Variants in ZNF385B observed in about 807,000 individuals in gnomAD.
ZNF385B encodes the protein zinc finger protein 385B.
In ZNF385B, 23 loss-of-function variants were observed where a neutral mutation model predicts 39.2. That is an observed-to-expected ratio of 0.59 (90% confidence interval 0.42 to 0.83). The LOEUF (loss-of-function observed/expected upper bound fraction) is 0.83, where lower values mean the gene tolerates loss of function less well. ZNF385B is among the 40% of genes least tolerant of loss of function. The probability of loss-of-function intolerance (pLI) is 0.00; values close to 1 mark genes in which losing one functional copy is unlikely to be tolerated. For synonymous variants in ZNF385B, 205 were observed against 222.6 expected, an observed-to-expected ratio of 0.92 and a Z score of 0.70; for missense variants, 552 against 598.9, an observed-to-expected ratio of 0.92 and a Z score of 0.82.
chr2:179,698,653 T>C (rs1698946324), intron 3 of ZNF385B, among the ~76,000 whole-genome samples: 1 of 152,208 alleles, frequency 6.6e-6, no homozygotes, highest in Non-Finnish European at 1.5e-5. Flanking sequence ...ACTGGAAATA[T>C]ATAGAGTTGA....
intron 1 of ZNF385B, among the ~76,000 whole-genome samples, chr2:179,775,825 C>T (rs1704280250): frequency 6.6e-6 from 1 of 152,206 alleles, no homozygotes; most frequent in Non-Finnish European, 1.5e-5. Flanking sequence ...AAACTGCTTT[C>T]CACAATCATA....
intron 3 of ZNF385B, among the ~76,000 whole-genome samples, chr2:179,755,056 C>T (rs2106476470): frequency 6.6e-6 from 1 of 152,296 alleles, no homozygotes; most frequent in East Asian, 1.9e-4. Flanking sequence ...CCTGCTTTCT[C>T]TTGTGGGCAT....
chr2:179,709,228 C>A (rs1699828928), intron 3 of ZNF385B, among the ~76,000 whole-genome samples: 1 of 152,228 alleles, frequency 6.6e-6, no homozygotes, highest in African/African-American at 2.4e-5. Context: ...GTTTCTGTTA[C>A]ACTGATGACA....
intron 3 of ZNF385B, among the ~76,000 whole-genome samples, chr2:179,685,329 A>T (rs1013932904): frequency 4.6e-5 from 7 of 152,198 alleles, no homozygotes; most frequent in Non-Finnish European, 1.0e-4. Flanking sequence ...CATTCTCCAG[A>T]CAGATACAAT....
intron 1 of ZNF385B, among the ~76,000 whole-genome samples, chr2:179,801,259 G>A (rs184469412): frequency 1.9e-3 from 284 of 152,210 alleles, no homozygotes; most frequent in Non-Finnish European, 2.7e-3. Flanking sequence ...GCCAAGGAGT[G>A]ATTATATGAA....
At chr2:179,716,381 T>G (rs1700330943) in intron 3 of ZNF385B, among the ~76,000 whole-genome samples, 1 of 152,206 alleles carries the variant, frequency 6.6e-6, no homozygotes, top group African/African-American at 2.4e-5. Flanking sequence ...GTGTAATCCC[T>G]GACCTATTTT....
At chr2:179,621,633 C>G (rs898619605) in intron 3 of ZNF385B, among the ~76,000 whole-genome samples, 1 of 152,180 alleles carries the variant, frequency 6.6e-6, no homozygotes, top group African/African-American at 2.4e-5. Flanking sequence ...TTCCCTTTCT[C>G]CCTACCTTCC....
rs1473677875 is a variant in ZNF385B, at chr2:179,753,163, T to C, written c.298+16340A>G. 3.3e-5 allele frequency among the ~76,000 whole-genome samples: 5 copies of C among 152,342 alleles called. No individual in the cohort carries two copies. In the South Asian group the frequency reaches 1.0e-3, roughly 32 times the overall value. ...AGCTTTCTACATATGGTTAGCCAAT[T>C]TGCCCAGCACCATTTGTTAAATAGG... is the stretch of plus-strand genomic sequence containing the variant. On this transcript the variant is annotated intron_variant, in intron 3 of 9. Coordinates refer to ENST00000410066, the MANE Select transcript of ZNF385B (RefSeq NM_152520.6).
chr2:179,811,928 A>G (rs76480406), intron 1 of ZNF385B, among the ~76,000 whole-genome samples: 8,719 of 152,218 alleles, frequency 0.057, 292 homozygotes, highest in Non-Finnish European at 0.067. Flanking sequence ...TATCCAGTCT[A>G]TAGGGAACTT....
intron 3 of ZNF385B, among the ~76,000 whole-genome samples, chr2:179,726,794 T>C (rs942908103): frequency 4.6e-5 from 7 of 152,090 alleles, no homozygotes; most frequent in African/African-American, 1.7e-4. Flanking sequence ...TACACATCTA[T>C]AGACATCATC....
intron 3 of ZNF385B, among the ~76,000 whole-genome samples, chr2:179,715,196 G>A (rs1386774042): frequency 6.9e-6 from 1 of 145,774 alleles, no homozygotes; most frequent in Non-Finnish European, 1.5e-5. Context: ...TGTGATAACA[G>A]CTCATGCCAA....
intron 3 of ZNF385B, among the ~76,000 whole-genome samples, chr2:179,617,042 C>T (rs922150104): frequency 6.6e-6 from 1 of 152,142 alleles, no homozygotes; most frequent in African/African-American, 2.4e-5. Flanking sequence ...GTGTCTGTTA[C>T]CTTTGCCATT....
intron 3 of ZNF385B, among the ~76,000 whole-genome samples, chr2:179,752,555 T>G (rs974544608): frequency 6.6e-6 from 1 of 152,204 alleles, no homozygotes; most frequent in African/African-American, 2.4e-5. Flanking sequence ...CCACCAACAG[T>G]GTAAAAGTGT....
chr2:179,858,561 T>A (rs78275225), intron 1 of ZNF385B, among the ~76,000 whole-genome samples: 2 of 151,632 alleles, frequency 1.3e-5, no homozygotes, highest in East Asian at 1.9e-4. Flanking sequence ...TCCCCAAAAA[T>A]TTTTTTAAAA....
Position 179,703,854 on chromosome 2 carries a change from A to G in ZNF385B, c.298+65649T>C, listed in dbSNP as rs184132203. ...TGTAAACACACATTGATAATGCCTC[A>G]TGATGGAGGTATTAATGGGCACTTA... On this transcript the variant is annotated intron_variant, in intron 3 of 9. Coordinates refer to ENST00000410066, the MANE Select transcript of ZNF385B (RefSeq NM_152520.6). 2.8e-3 allele frequency among the ~76,000 whole-genome samples: 430 copies of G among 152,338 alleles called. 3 individuals carry two copies. Among genetic ancestry groups the G allele is most frequent in the African/African-American group, 0.01 (418 of 41,588 alleles).
At chr2:179,578,379 A>G (rs1686084456) in intron 3 of ZNF385B, among the ~76,000 whole-genome samples, 1 of 152,130 alleles carries the variant, frequency 6.6e-6, no homozygotes, top group African/African-American at 2.4e-5. Context: ...AAGTTAAGCC[A>G]TATCTTAAAA....
At chr2:179,590,139 C>T (rs978135429) in intron 3 of ZNF385B, among the ~76,000 whole-genome samples, 1 of 152,170 alleles carries the variant, frequency 6.6e-6, no homozygotes, top group Non-Finnish European at 1.5e-5. Flanking sequence ...CCATTATTTA[C>T]CTCAGTGGGT....
At chr2:179,635,725 C>A (rs1217167088) in intron 3 of ZNF385B, among the ~76,000 whole-genome samples, 2 of 152,046 alleles carry the variant, frequency 1.3e-5, no homozygotes, top group Non-Finnish European at 2.9e-5. Context: ...ATTATTCCTA[C>A]ATTTTTTGGT....
chr2:179,719,873 A>AT (rs1205116314), intron 3 of ZNF385B, among the ~76,000 whole-genome samples: 1 of 152,222 alleles, frequency 6.6e-6, no homozygotes, highest in Non-Finnish European at 1.5e-5. Flanking sequence ...CTGTGAATGT[A>AT]TTTTCCAAGT....
Sources: gnomAD v4.1 joint callset for allele counts (sites outside exome capture counted in the v4.1 genomes callset) on GRCh38, gnomAD v4.1.1 for gene constraint, MANE v1.5 for transcripts, NCBI Gene and HGNC (gene_info 2026-07-23, HGNC 2026-07-21) for gene names.